Variants in PTPRG observed in about 807,000 individuals in gnomAD.
PTPRG encodes receptor-type tyrosine-protein phosphatase gamma.
In PTPRG, 102 loss-of-function variants were observed where a neutral mutation model predicts 165.3. That is an observed-to-expected ratio of 0.62 (90% CI 0.53 to 0.73). The LOEUF (loss-of-function observed/expected upper bound fraction) is 0.73, where lower values mean the gene tolerates loss of function less well. Ranked by LOEUF, PTPRG falls within the 30% of genes least tolerant of loss-of-function variation. The pLI is 0.00. For missense variants in PTPRG, 1,866 were observed against 1,861.4 expected, an observed-to-expected ratio of 1.00 and a Z score of -0.05; for synonymous variants, 675 against 669.5, an observed-to-expected ratio of 1.01 and a Z score of -0.13.
chr3:61,589,388 A>G (rs536550242), intron 1 of PTPRG, among the ~76,000 whole-genome samples: 3 of 152,154 alleles, frequency 2.0e-5, no homozygotes, highest in Non-Finnish European at 4.4e-5. Flanking sequence ...AGCACTTTGC[A>G]TATATTAATT....
intron 1 of PTPRG, among the ~76,000 whole-genome samples, chr3:61,589,810 G>T (rs1030447434): frequency 6.6e-6 from 1 of 152,062 alleles, no homozygotes; most frequent in Admixed American, 6.6e-5. Flanking sequence ...GTGGACAGCT[G>T]GATGGATGGA....
At chr3:61,994,483 T>C (rs1376979090) in intron 3 of PTPRG, among the ~76,000 whole-genome samples, 1 of 152,238 alleles carries the variant, frequency 6.6e-6, no homozygotes, top group Non-Finnish European at 1.5e-5. Flanking sequence ...CCATAGTGCC[T>C]GTGATACAGG....
intron 1 of PTPRG, among the ~76,000 whole-genome samples, chr3:61,746,208 ATTTTTTTTTT>A (rs750697053): frequency 9.8e-5 from 8 of 81,322 alleles, no homozygotes; most frequent in East Asian, 8.1e-4. Flanking sequence ...ACACACTCTA[ATTTTTTTTTT>A]TTTTTTTTTT....
chr3:61,830,643 C>T (rs967153788), intron 2 of PTPRG, among the ~76,000 whole-genome samples: 4 of 139,888 alleles, frequency 2.9e-5, no homozygotes, highest in Non-Finnish European at 4.5e-5. Context: ...GCCGTGATCT[C>T]GGTTCACTGC....
intron 1 of PTPRG, among the ~76,000 whole-genome samples, chr3:61,669,361 T>C (rs1341952018): frequency 6.6e-6 from 1 of 150,864 alleles, no homozygotes; most frequent in Admixed American, 6.6e-5. Context: ...TGTGCTTGGA[T>C]GCTGGTACCG....
At chr3:62,158,150 G>C (rs138676184) in intron 7 of PTPRG, among the ~76,000 whole-genome samples, 35 of 152,316 alleles carry the variant, frequency 2.3e-4, no homozygotes, top group African/African-American at 8.4e-4. Flanking sequence ...ACTGGAGATA[G>C]AATTGAGGCA....
At position 62,203,245 on chromosome 3, in the gene PTPRG, G is replaced by A; in HGVS notation, c.1450G>A (p.Gly484Ser). ...GGGGTCTTCTACCTGGACGTCCTCT[G>A]GCATCCCATTCTCATTTGTTTCCAT... ...SSGSSTWTSS[G>S]IPFSFVSMAT... The change falls in exon 12 of 30, where the codon GGC becomes AGC. Residue 484 changes from glycine to serine, a missense_variant. Around this residue, in one of 3 missense-constraint regions of PTPRG, gnomAD observed 1,452 missense variants for 1,463.0 expected, o/e 0.99. Coordinates refer to ENST00000474889, the MANE Select transcript of PTPRG (RefSeq NM_002841.4). The surrounding 1 kb of genome is among the most constrained non-coding windows in gnomAD (Gnocchi z 6.4). 1 of 1,613,830 alleles carries A rather than the reference G, an allele frequency of 6.2e-7. No individual in the cohort carries two copies. The highest frequency in any genetic ancestry group is 8.5e-7 in the Non-Finnish European group (1 of 1,179,910).
intron 7 of PTPRG, among the ~76,000 whole-genome samples, chr3:62,166,194 GTTC>G (rs1559592107): frequency 5.2e-5 from 1 of 19,348 alleles, no homozygotes; most frequent in Non-Finnish European, 1.0e-4. Flanking sequence ...TCAAATTACA[GTTC>G]TTTTTTTTTT....
At chr3:61,628,635 T>C (rs1419411041) in intron 1 of PTPRG, among the ~76,000 whole-genome samples, 1 of 152,150 alleles carries the variant, frequency 6.6e-6, no homozygotes, top group Non-Finnish European at 1.5e-5. Flanking sequence ...CACCCAGCCC[T>C]GTCAACTTCT....
intron 2 of PTPRG, among the ~76,000 whole-genome samples, chr3:61,857,965 C>A (rs2107390476): frequency 6.6e-6 from 1 of 152,322 alleles, no homozygotes; most frequent in Admixed American, 6.5e-5. Flanking sequence ...TCCCTCTTAA[C>A]ACCAGGTCTT....
At chr3:62,189,579 T>G (rs1055104230) in intron 8 of PTPRG, among the ~76,000 whole-genome samples, 2 of 152,154 alleles carry the variant, frequency 1.3e-5, no homozygotes, top group Non-Finnish European at 2.9e-5. Context: ...CCTGCCCTCC[T>G]TACCCGGCAC....
intron 28 of PTPRG, among the ~76,000 whole-genome samples, chr3:62,286,885 A>G (rs1045127922): frequency 2.6e-5 from 4 of 152,170 alleles, no homozygotes; most frequent in Admixed American, 2.6e-4. Context: ...TAAACTTTTG[A>G]AAGAGAATGG....
At chr3:62,200,746 T>C (rs970367968) in intron 10 of PTPRG, among the ~76,000 whole-genome samples, 2 of 152,128 alleles carry the variant, frequency 1.3e-5, no homozygotes, top group African/African-American at 2.4e-5. Context: ...TTTAAAACAA[T>C]TGGCAGTAGC....
intron 1 of PTPRG, among the ~76,000 whole-genome samples, chr3:61,593,637 C>T (rs561377067): frequency 2.3e-4 from 35 of 150,744 alleles, no homozygotes; most frequent in Admixed American, 1.1e-3. Context: ...TGTTCCTGTT[C>T]TCTTCATTTC....
intron 6 of PTPRG, among the ~76,000 whole-genome samples, chr3:62,138,111 G>A (rs996170976): frequency 1.9e-4 from 29 of 152,190 alleles, no homozygotes; most frequent in African/African-American, 6.5e-4. Context: ...TGGGCCAAAT[G>A]CATTGTTGAT....
Position 62,233,869 on chromosome 3 carries a change from T to C in PTPRG, c.2375+2558T>C, listed in dbSNP as rs1413441087. On this transcript the variant is annotated intron_variant, in intron 14 of 29. Coordinates refer to ENST00000474889, the MANE Select transcript of PTPRG (RefSeq NM_002841.4). The surrounding 1 kb of genome is among the most constrained non-coding windows in gnomAD (Gnocchi z 4.7). ...GTATTTAATTTTTTAATAAAGCTGA[T>C]TTAAGTTTTGAGTAAGTAATACTTG... Among the ~76,000 whole-genome samples, 1 of 152,232 alleles carries C rather than the reference T, an allele frequency of 6.6e-6. No individual in the cohort carries two copies. Among genetic ancestry groups the C allele is most frequent in the Non-Finnish European group, 1.5e-5 (1 of 68,046 alleles).
intron 2 of PTPRG, among the ~76,000 whole-genome samples, chr3:61,791,855 G>A (rs1307810089): frequency 6.6e-6 from 1 of 152,140 alleles, no homozygotes; most frequent in Non-Finnish European, 1.5e-5. Flanking sequence ...TGCTAGTTCG[G>A]ATGTTGTTTA....
intron 13 of PTPRG, among the ~76,000 whole-genome samples, chr3:62,227,963 C>T (rs1191120421): frequency 6.6e-6 from 1 of 152,098 alleles, no homozygotes; most frequent in Admixed American, 6.6e-5. Flanking sequence ...CCCTTGTGTC[C>T]GTTGGTGGCT....
At chr3:62,020,736 G>T (rs777313969) in intron 4 of PTPRG, among the ~76,000 whole-genome samples, 12 of 151,998 alleles carry the variant, frequency 7.9e-5, no homozygotes, top group Non-Finnish European at 1.6e-4. Flanking sequence ...GTGTTTTGAG[G>T]CAGGGTCTTG....
Sources: gnomAD v4.1 joint callset for allele counts (sites outside exome capture counted in the v4.1 genomes callset) on GRCh38, gnomAD v4.1.1 for gene constraint, gnomAD v4.1.1 regional missense constraint, Gnocchi (gnomAD v3.1) non-coding constraint, MANE v1.5 for transcripts, NCBI Gene and HGNC (gene_info 2026-07-23, HGNC 2026-07-21) for gene names.